SPINK14: variants seen among roughly 807,000 people sequenced by gnomAD.
SPINK14 encodes serine protease inhibitor Kazal-type 14.
SPINK14 carries 6 observed loss-of-function variants against 14.2 expected under a neutral mutation model. The observed-to-expected ratio is 0.42, with a 90% CI of 0.23 to 0.83. SPINK14 has a LOEUF of 0.83. Ranked by LOEUF, SPINK14 falls within the 40% of genes least tolerant of loss-of-function variation. The pLI is 0.28. For missense variants in SPINK14, 86 were observed against 108.3 expected (o/e 0.79, Z 0.91); for synonymous variants, 34 against 36.8 (o/e 0.92, Z 0.27).
In SPINK14 at chr5:148,171,509, G is replaced by A. The variant is rs145661430; in HGVS notation, c.111+536G>A. ...AAATGGAGACATCTTTTTCATTTTCGTCTACCTTAATGAGCACTGCATATA... is the reference window on the plus strand; with the variant it reads ...AAATGGAGACATCTTTTTCATTTTCATCTACCTTAATGAGCACTGCATATA... On this transcript the variant is annotated intron_variant, in intron 3 of 4. Transcript: ENST00000356972. 5.1e-4 allele frequency among the ~76,000 whole-genome samples: 77 copies of A among 152,098 alleles called. 2 individuals carry two copies. The highest frequency in any genetic ancestry group is 1.7e-3 in the African/African-American group (69 of 41,496).
At chr5:148,173,144 A>G (rs1755128822) in intron 3 of SPINK14, among the ~76,000 whole-genome samples, 1 of 152,006 alleles carries the variant, frequency 6.6e-6, no homozygotes, top group African/African-American at 2.4e-5. Flanking sequence ...AAGAGGGAAG[A>G]GGAATTTCTA....
chr5:148,171,928 C>T (rs763109264), intron 3 of SPINK14, among the ~76,000 whole-genome samples: 2 of 152,084 alleles, frequency 1.3e-5, no homozygotes, highest in African/African-American at 4.8e-5. Context: ...AATCCATAAA[C>T]AATAATAAAT....
chr5:148,175,288 A>T (rs1023460835), intron 4 of SPINK14, 65 bp from the exon 5 acceptor site: 16 of 1,038,820 alleles, frequency 1.5e-5, no homozygotes, highest in East Asian at 2.6e-5. Context: ...GATAATTTTA[A>T]AAGTATTTGT....
intron 2 of SPINK14, among the ~76,000 whole-genome samples, chr5:148,170,169 T>TACACACACAC (rs777519973): frequency 2.8e-4 from 30 of 105,678 alleles, no homozygotes; most frequent in African/African-American, 7.5e-4. Context: ...TATATATATA[T>TACACACACAC]ATATACACAC....
intron 3 of SPINK14, among the ~76,000 whole-genome samples, chr5:148,171,383 G>C (rs546033007): frequency 3.3e-5 from 5 of 152,252 alleles, no homozygotes; most frequent in Non-Finnish European, 7.4e-5. Context: ...TGTAAGTTGT[G>C]AATGCAGAAG....
chr5:148,169,766 T>A lies in SPINK14; in HGVS notation c.34T>A (p.Ser12Thr), dbSNP rs777761859. Residue 12 changes from serine (S) to threonine (T), a missense_variant, in exon 2 of 5, where the codon TCC (serine) becomes ACC (threonine). Transcript: ENST00000356972. ...AKSFPVFSLLSFILIHLVLSS... is the reference protein window; with the variant it reads ...AKSFPVFSLLTFILIHLVLSS... ...ATCTTTCCCAGTATTCTCACTTTTG[T>A]CCTTTATCTTGATACATTTGGTGTT... 4 of 1,610,356 alleles carry A rather than the reference T, an allele frequency of 2.5e-6. No homozygotes were observed. In the African/African-American group the frequency reaches 4.0e-5, roughly 16 times the overall value.
chr5:148,169,959 ATATATG>A (rs1755079132), intron 2 of SPINK14, among the ~76,000 whole-genome samples, 160 bp downstream of exon 2: 1 of 101,158 alleles, frequency 9.9e-6, no homozygotes, highest in East Asian at 2.3e-4. Context: ...TGCAGAGTGT[ATATATG>A]TATATATATA....
Sources: allele counts gnomAD v4.1 joint callset (sites outside exome capture counted in the v4.1 genomes callset), GRCh38; gene constraint gnomAD v4.1.1; transcripts MANE v1.5; gene names NCBI Gene and HGNC (gene_info 2026-07-23, HGNC 2026-07-21).